The following STAM variants were observed in gnomAD, a reference collection of about 807,000 sequenced individuals.
STAM encodes the protein signal transducing adaptor molecule.
In STAM, 16 loss-of-function variants were observed where a neutral mutation model predicts 63.4. That is an observed-to-expected ratio of 0.25 (90% CI 0.17 to 0.38). STAM has a LOEUF of 0.38. Ranked by LOEUF, STAM falls within the 10% of genes least tolerant of loss-of-function variation. STAM has a pLI of 1.00. For synonymous variants in STAM, 238 were observed against 223.9 expected (o/e 1.06, Z -0.56); for missense variants, 636 against 657.1 (o/e 0.97, Z 0.35).
In STAM at chr10:17,714,964, C is replaced by CCT. The variant is rs1169255322; in HGVS notation, c.*185_*186insTC. ...ACTGACTTTTTAGAGGTTCTTCCCC[C>CCT]CCCGCCCCTGCAGAGGAATGAAACT... On this transcript the variant is annotated 3_prime_UTR_variant, in exon 14 of 14. Transcript: ENST00000377524. 17 of 603,802 alleles carry CCT rather than the reference C, an allele frequency of 2.8e-5. No homozygotes were observed. Among genetic ancestry groups the CCT allele is most frequent in the Non-Finnish European group, 4.6e-5 (16 of 344,118 alleles). The allele number at this position is 603,802 out of a possible 1,614,324, so 37.4% of individuals were successfully genotyped here.
At chr10:17,711,300 T>G (rs1294169962) in intron 13 of STAM, among the ~76,000 whole-genome samples, 2 of 152,136 alleles carry the variant, frequency 1.3e-5, no homozygotes, top group Non-Finnish European at 2.9e-5. Context: ...GTAGCGATGG[T>G]AGTATTATAA....
At position 17,715,561 on chromosome 10, in the gene STAM, T is replaced by C. The variant is rs1239184485; in HGVS notation, c.*781T>C. The C allele has an allele frequency of 5.2e-5, 8 of 152,642 alleles. No individual in the cohort carries two copies. The East Asian group carries it at 7.7e-4, about 15-fold the overall frequency. 9.5% of individuals were successfully genotyped at this position (152,642 alleles called of 1,614,324 possible). A position where few individuals can be genotyped will look rare whatever the true frequency, so the allele number is the denominator to read the frequency against. On this transcript the variant is annotated 3_prime_UTR_variant, in exon 14 of 14. Coordinates refer to ENST00000377524, the MANE Select transcript of STAM (RefSeq NM_003473.4). ...CATTTTGGCATGACATTTCAGAGTA[T>C]TGTGGGACCATGAGACAAAATTAAG... is the stretch of plus-strand genomic sequence containing the variant.
At chr10:17,650,958 A>G (rs11814188) in intron 1 of STAM, among the ~76,000 whole-genome samples, 17,049 of 149,510 alleles carry the variant, frequency 0.11, 1,044 homozygotes, top group Middle Eastern at 0.16. Flanking sequence ...CCAGCTACTC[A>G]GGAGGCTGAG....
intron 1 of STAM, among the ~76,000 whole-genome samples, chr10:17,651,262 C>A (rs1212874599): frequency 6.6e-6 from 1 of 151,690 alleles, no homozygotes; most frequent in Admixed American, 6.6e-5. Context: ...GGTGTGGATC[C>A]TCTGGCTTGA....
intron 1 of STAM, among the ~76,000 whole-genome samples, chr10:17,645,065 T>A (rs562038477): frequency 6.6e-6 from 1 of 152,382 alleles, no homozygotes; most frequent in East Asian, 1.9e-4. Context: ...TGTTGTTTTC[T>A]GAATCACTGG....
chr10:17,664,061 T>C (rs1014171516), intron 2 of STAM, among the ~76,000 whole-genome samples: 1 of 150,658 alleles, frequency 6.6e-6, no homozygotes, highest in Non-Finnish European at 1.5e-5. Context: ...AGTTCACTTT[T>C]TTCTTCTTGT....
intron 13 of STAM, 67 bp from the exon 14 acceptor site, chr10:17,714,476 T>C (rs1214340771): frequency 2.8e-6 from 4 of 1,431,150 alleles, no homozygotes; most frequent in Non-Finnish European, 3.9e-6. Context: ...TAAATAGCTT[T>C]TCCATTTATC....
chr10:17,711,110 T>G (rs1836534745), intron 13 of STAM, among the ~76,000 whole-genome samples: 1 of 152,152 alleles, frequency 6.6e-6, no homozygotes, highest in Non-Finnish European at 1.5e-5. Context: ...TGAGGATTGT[T>G]GTTGTTTTTG....
chr10:17,664,579 T>A (rs1834302279), intron 2 of STAM, among the ~76,000 whole-genome samples: 1 of 152,168 alleles, frequency 6.6e-6, no homozygotes, highest in South Asian at 2.1e-4. Context: ...ATAAGAATGT[T>A]GAACAGTATT....
intron 9 of STAM, among the ~76,000 whole-genome samples, chr10:17,702,017 A>G (rs1314515726): frequency 6.6e-6 from 1 of 152,178 alleles, no homozygotes; most frequent in Non-Finnish European, 1.5e-5. Context: ...TCCATCTTTC[A>G]GAAGATACCG....
intron 5 of STAM, among the ~76,000 whole-genome samples, chr10:17,689,628 A>G (rs1554826524): frequency 6.6e-6 from 1 of 152,226 alleles, no homozygotes; most frequent in African/African-American, 2.4e-5. Flanking sequence ...CCAAGACATT[A>G]TACATTCCTT....
At chr10:17,666,992 A>G (rs895170934) in intron 2 of STAM, among the ~76,000 whole-genome samples, 10 of 152,210 alleles carry the variant, frequency 6.6e-5, no homozygotes, top group African/African-American at 2.2e-4. Context: ...ACAGTGCCCT[A>G]TGAACATTTT....
chr10:17,700,161 A>G lies in STAM; in HGVS notation c.824-30A>G, dbSNP rs782230648. The G allele has an allele frequency of 2.0e-6, 3 of 1,529,280 alleles. No individual in the cohort carries two copies. The Admixed American group carries it at 5.7e-5, about 29-fold the overall frequency. The allele number at this position is 1,529,280 out of a possible 1,614,324, so 94.7% of individuals were successfully genotyped here. ...AAAGTAGAATTTTAAATGTATTATT[A>G]AAAAAAGATAACTTTTACATATCTT... On this transcript the variant is annotated intron_variant, in intron 8 of 13. Transcript: ENST00000377524.
chr10:17,681,201 T>C (rs1554825328), intron 2 of STAM, among the ~76,000 whole-genome samples: 1 of 150,304 alleles, frequency 6.7e-6, no homozygotes, highest in Non-Finnish European at 1.5e-5. Context: ...GATCGTCTTT[T>C]TTTTTTTTTT....
intron 9 of STAM, 133 bp downstream of exon 9, chr10:17,700,412 A>G (rs1835940300): frequency 9.9e-6 from 6 of 605,708 alleles, no homozygotes; most frequent in South Asian, 5.5e-5. Flanking sequence ...AATTCAAGCA[A>G]TATAGACGAT....
chr10:17,645,622 A>G (rs1231630098), intron 1 of STAM, among the ~76,000 whole-genome samples: 1 of 152,132 alleles, frequency 6.6e-6, no homozygotes, highest in African/African-American at 2.4e-5. Context: ...ACTAGATGCT[A>G]CCTTTTTTGT....
chr10:17,710,637 C>G (rs1198246052), intron 13 of STAM, among the ~76,000 whole-genome samples: 5 of 152,166 alleles, frequency 3.3e-5, no homozygotes, highest in African/African-American at 1.2e-4. Context: ...CTTCCGTTTC[C>G]TGGCTGGTAG....
chr10:17,664,158 T>C (rs1554823165), intron 2 of STAM, among the ~76,000 whole-genome samples: 1 of 152,116 alleles, frequency 6.6e-6, no homozygotes, highest in African/African-American at 2.4e-5. Flanking sequence ...GTTTACAGAA[T>C]TGGGTTACAT....
chr10:17,687,431 G>T (rs1835340403), intron 4 of STAM, among the ~76,000 whole-genome samples: 1 of 152,142 alleles, frequency 6.6e-6, no homozygotes. Context: ...GGAGGTTGCA[G>T]TGTGCTGAGA....
Sources: allele counts gnomAD v4.1 joint callset (sites outside exome capture counted in the v4.1 genomes callset), GRCh38; gene constraint gnomAD v4.1.1; transcripts MANE v1.5; gene names NCBI Gene and HGNC (gene_info 2026-07-23, HGNC 2026-07-21).